ERAP1: variants seen among roughly 807,000 people sequenced by gnomAD.
The protein encoded by ERAP1 is adipocyte-derived leucine aminopeptidase.
In ERAP1, 86 loss-of-function variants were observed where a neutral mutation model predicts 103.7. That is an observed-to-expected ratio of 0.83 (90% CI 0.70 to 0.99). ERAP1 has a LOEUF of 0.99. Among genes scored for constraint, ERAP1 ranks in the 50% least tolerant of loss-of-function variants. The pLI is 0.00. For synonymous variants in ERAP1, 398 were observed against 402.4 expected (o/e 0.99, Z 0.13); for missense variants, 1,009 against 1,128.4 (o/e 0.89, Z 1.52).
At chr5:96,927,492 T>G in the ERAP1 span, among the ~76,000 whole-genome samples, 2,498 of 152,326 alleles carry the variant, frequency 0.016, 41 homozygotes, top group African/African-American at 0.037. Context: ...TACTTTTTTT[T>G]TTTGTTTGTT....
At chr5:96,761,528 A>G (rs1173691809) in exon 20 of ERAP1, 1 of 152,174 alleles carries the variant, frequency 6.6e-6, no homozygotes, top group African/African-American at 2.4e-5. Flanking sequence ...CTTTTGGTAA[A>G]ATTTGCAATT....
At chr5:96,925,191 C>T in the ERAP1 span, among the ~76,000 whole-genome samples, 1,088 of 152,346 alleles carry the variant, frequency 7.1e-3, 6 homozygotes, top group Non-Finnish European at 0.013. Context: ...TTATAATTCA[C>T]ATACAATAGT....
exon 20 of ERAP1, chr5:96,761,062 A>G (rs1473958416): frequency 6.6e-6 from 1 of 152,146 alleles, no homozygotes; most frequent in Non-Finnish European, 1.5e-5. Context: ...TGAGAAATGG[A>G]CATAAATGAT....
the ERAP1 span, among the ~76,000 whole-genome samples, chr5:96,878,325 C>G: frequency 5.3e-5 from 8 of 152,094 alleles, no homozygotes; most frequent in Non-Finnish European, 8.8e-5. Context: ...CCTTGACCAG[C>G]AACCTTTACA....
At chr5:96,857,554 T>C in the ERAP1 span, among the ~76,000 whole-genome samples, 8 of 152,162 alleles carry the variant, frequency 5.3e-5, no homozygotes, top group East Asian at 1.9e-4. Flanking sequence ...AGCATGGGTA[T>C]TATCATCAAT....
At chr5:96,909,749 C>T in the ERAP1 span, 1 of 1,613,974 alleles carries the variant, frequency 6.2e-7, no homozygotes, top group African/African-American at 1.3e-5. Flanking sequence ...TGGATGGAAT[C>T]CAGTGGAAAA....
At chr5:96,786,776 G>T in intron 11 of ERAP1, 1 of 510,696 alleles carries the variant, frequency 2.0e-6, no homozygotes, top group East Asian at 3.4e-5. Context: ...TAAGAATTTG[G>T]ACTCACGTGA....
the ERAP1 span, among the ~76,000 whole-genome samples, chr5:96,867,907 C>A: frequency 6.6e-6 from 1 of 152,046 alleles, no homozygotes. Context: ...AACATTGTCT[C>A]TACTACAAAT....
the ERAP1 span, among the ~76,000 whole-genome samples, chr5:96,824,110 T>G: frequency 6.6e-6 from 1 of 152,242 alleles, no homozygotes; most frequent in Admixed American, 6.5e-5. Context: ...TGAAACCTTG[T>G]AAATTGTTTG....
At chr5:96,884,052 A>G in the ERAP1 span, 3 of 573,718 alleles carry the variant, frequency 5.2e-6, no homozygotes, top group Non-Finnish European at 5.9e-6. Context: ...CTATCTATCT[A>G]TCTATCTATC....
the ERAP1 span, among the ~76,000 whole-genome samples, chr5:96,827,535 T>C: frequency 6.6e-6 from 1 of 152,062 alleles, no homozygotes; most frequent in African/African-American, 2.4e-5. Context: ...CATGGCAGCA[T>C]GTGCCTGTAG....
chr5:96,878,891 G>A, the ERAP1 span, among the ~76,000 whole-genome samples: 1 of 152,172 alleles, frequency 6.6e-6, no homozygotes, highest in African/African-American at 2.4e-5. Flanking sequence ...TAGTGCCACT[G>A]CATTCCAACC....
the ERAP1 span, among the ~76,000 whole-genome samples, chr5:96,923,699 A>C: frequency 6.6e-6 from 1 of 151,884 alleles, no homozygotes; most frequent in African/African-American, 2.4e-5. Context: ...GTCTCAAAAA[A>C]AAAAAAAAAA....
the ERAP1 span, among the ~76,000 whole-genome samples, chr5:96,905,945 T>C: frequency 4.1e-5 from 1 of 24,338 alleles, no homozygotes; most frequent in African/African-American, 1.9e-4. Context: ...TTCTTTTTAA[T>C]TTTTTTTTTT....
chr5:96,822,338 G>A, the ERAP1 span, among the ~76,000 whole-genome samples: 1 of 152,106 alleles, frequency 6.6e-6, no homozygotes, highest in East Asian at 1.9e-4. Flanking sequence ...ATCTAAATCA[G>A]GAAGCCAGAG....
chr5:96,889,299 A>C, the ERAP1 span: 3 of 1,613,902 alleles, frequency 1.9e-6, no homozygotes, highest in Non-Finnish European at 1.7e-6. Flanking sequence ...TCCACTCTCC[A>C]AACTGGGTAT....
intron 19 of ERAP1, chr5:96,767,545 G>A (rs1770434681): frequency 1.5e-6 from 2 of 1,337,480 alleles, no homozygotes; most frequent in African/African-American, 1.5e-5. Flanking sequence ...GGGGTATTTG[G>A]CATTTTAGAA....
chr5:96,856,425 C>T, the ERAP1 span, among the ~76,000 whole-genome samples: 14 of 125,320 alleles, frequency 1.1e-4, no homozygotes, highest in African/African-American at 4.3e-4. Context: ...TTGAAAGGAA[C>T]AAATTATTTG....
chr5:96,889,831 TACACACACAC>T, the ERAP1 span, among the ~76,000 whole-genome samples: 437 of 148,652 alleles, frequency 2.9e-3, 1 homozygote, highest in Non-Finnish European at 4.6e-3. Flanking sequence ...AAAAAATACA[TACACACACAC>T]ACACACACAC....
Sources: gnomAD v4.1 joint callset for allele counts (sites outside exome capture counted in the v4.1 genomes callset) on GRCh38, gnomAD v4.1.1 for gene constraint, MANE v1.5 for transcripts, NCBI Gene and HGNC (gene_info 2026-07-23, HGNC 2026-07-21) for gene names.